SYT14: variants seen among roughly 807,000 people sequenced by gnomAD.
SYT14 encodes the protein synaptotagmin 14, also known as synaptotagmin-14.
SYT14 carries 32 observed loss-of-function variants against 74.2 expected under a neutral mutation model. That is an observed-to-expected ratio of 0.43 (90% CI 0.33 to 0.58). The LOEUF (loss-of-function observed/expected upper bound fraction) is 0.58. Ranked by LOEUF, SYT14 falls within the 20% of genes least tolerant of loss-of-function variation. The probability of loss-of-function intolerance (pLI) is 0.05; values close to 1 mark genes in which losing one functional copy is unlikely to be tolerated. For synonymous variants in SYT14, 298 were observed against 337.7 expected, an observed-to-expected ratio of 0.88 and a Z score of 1.29; for missense variants, 791 against 981.8, an observed-to-expected ratio of 0.81 and a Z score of 2.60.
intron 2 of SYT14, among the ~76,000 whole-genome samples, chr1:209,959,683 T>C (rs188115068): frequency 2.0e-4 from 31 of 152,240 alleles, no homozygotes; most frequent in African/African-American, 5.8e-4. Flanking sequence ...CCACATATCA[T>C]GTATATAGGA....
At chr1:210,055,741 A>C (rs2636373) in intron 5 of SYT14, among the ~76,000 whole-genome samples, 11 of 151,340 alleles carry the variant, frequency 7.3e-5, no homozygotes, top group Non-Finnish European at 5.9e-5. Flanking sequence ...GGAGCTCAAG[A>C]CTACAGTGAG....
chr1:210,048,386 A>G (rs2080925847), intron 5 of SYT14, among the ~76,000 whole-genome samples: 1 of 152,208 alleles, frequency 6.6e-6, no homozygotes, highest in African/African-American at 2.4e-5. Context: ...ACAGTTCCAC[A>G]TCACTGGGGA....
chr1:210,021,064 G>T lies in SYT14; in HGVS notation c.1122G>T (p.Glu374Asp), dbSNP rs781519173. 3.1e-6 allele frequency: 5 copies of T among 1,613,798 alleles called. No homozygotes were observed. In the African/African-American group the frequency reaches 4.0e-5, roughly 13 times the overall value. The change falls in exon 5 of 10, where the codon GAG (glutamate) becomes GAT (aspartate). Residue 374 changes from glutamate to aspartate, a missense_variant. Glu to Asp is a conservative substitution (Grantham distance 45, BLOSUM62 2). Transcript: ENST00000637265. Reference sequence around the variant, plus strand: ...ATAATTCCTACATGGACAAAGATGAGCATGGTTCATCCTCTGAAAGTGAAG... The same window carrying T: ...ATAATTCCTACATGGACAAAGATGATCATGGTTCATCCTCTGAAAGTGAAG...
In SYT14 at chr1:209,941,371, A is replaced by G. The variant is rs2078727386; in HGVS notation, c.-534+3094A>G. 3.3e-5 allele frequency among the ~76,000 whole-genome samples: 5 copies of G among 152,226 alleles called. No homozygotes were observed. The South Asian group carries it at 1.0e-3, about 31-fold the overall frequency. On this transcript the variant is annotated intron_variant, in intron 1 of 9. Coordinates refer to ENST00000637265, the Ensembl canonical transcript of SYT14. ...TGAAAGGCATTTTGAAATATTGACAATAGTTACACATCCTTACTGTTGGCC... is the reference window on the plus strand; with the variant it reads ...TGAAAGGCATTTTGAAATATTGACAGTAGTTACACATCCTTACTGTTGGCC...
intron 2 of SYT14, among the ~76,000 whole-genome samples, chr1:209,995,254 C>T (rs1198435464): frequency 1.3e-5 from 2 of 152,132 alleles, no homozygotes; most frequent in Non-Finnish European, 2.9e-5. Context: ...AACCATCTCA[C>T]CTCTTGTGAC....
At chr1:209,939,159 T>C (rs1348245567) in intron 1 of SYT14, among the ~76,000 whole-genome samples, 1 of 152,230 alleles carries the variant, frequency 6.6e-6, no homozygotes, top group East Asian at 1.9e-4. Context: ...TGAGAATTAA[T>C]TTCACACGTC....
At chr1:210,117,799 A>G (rs1173366113) in intron 7 of SYT14, among the ~76,000 whole-genome samples, 2 of 152,206 alleles carry the variant, frequency 1.3e-5, no homozygotes, top group Admixed American at 6.5e-5. Context: ...TTAAAGGTCA[A>G]GTCTCAAGAA....
At chr1:210,152,793 A>G (rs2083191251) in intron 7 of SYT14, among the ~76,000 whole-genome samples, 1 of 152,118 alleles carries the variant, frequency 6.6e-6, no homozygotes, top group Non-Finnish European at 1.5e-5. Flanking sequence ...TTTCTTTATA[A>G]TGTTACCACC....
At chr1:210,170,070 G>A (rs770862722) in exon 10 of SYT14, 3 of 151,856 alleles carry the variant, frequency 2.0e-5, no homozygotes, top group Non-Finnish European at 4.4e-5. Context: ...ATATAACAGT[G>A]TGATAAAGTT....
At chr1:210,022,394 C>G (rs1488022769) in intron 5 of SYT14, among the ~76,000 whole-genome samples, 1 of 152,138 alleles carries the variant, frequency 6.6e-6, no homozygotes, top group African/African-American at 2.4e-5. Flanking sequence ...AGGTACTCTA[C>G]CCTCAAAAAT....
intron 1 of SYT14, among the ~76,000 whole-genome samples, chr1:209,943,096 C>T (rs1328125721): frequency 6.6e-6 from 1 of 152,108 alleles, no homozygotes; most frequent in Non-Finnish European, 1.5e-5. Context: ...TTGAAATATT[C>T]AGTTAAAAAA....
chr1:209,973,903 C>G (rs1226564867), intron 2 of SYT14, among the ~76,000 whole-genome samples: 1 of 152,132 alleles, frequency 6.6e-6, no homozygotes, highest in Non-Finnish European at 1.5e-5. Context: ...GATCGCCATT[C>G]TAACTGGTGT....
chr1:210,016,460 T>C, exon 4 of SYT14: 3 of 1,232,024 alleles, frequency 2.4e-6, no homozygotes, highest in East Asian at 6.3e-5. Flanking sequence ...TGGTGGGATA[T>C]CAGTTATCAG....
intron 2 of SYT14, among the ~76,000 whole-genome samples, chr1:209,990,547 ATG>A (rs1553262363): frequency 0.01 from 51 of 4,934 alleles, 1 homozygote; most frequent in Admixed American, 0.043. Flanking sequence ...ACGTATATAT[ATG>A]TATATATATA....
intron 7 of SYT14, among the ~76,000 whole-genome samples, chr1:210,152,165 CTA>C (rs924977147): frequency 2.0e-5 from 3 of 152,160 alleles, no homozygotes; most frequent in African/African-American, 4.8e-5. Context: ...ACATACCAAA[CTA>C]TGTGTTTTGT....
chr1:209,953,185 A>G (rs910963809), intron 2 of SYT14: 3 of 1,287,858 alleles, frequency 2.3e-6, no homozygotes, highest in African/African-American at 3.0e-5. Flanking sequence ...ATCCTTTGAC[A>G]CCAACAACTG....
At chr1:210,018,254 C>G (rs551497630) in intron 4 of SYT14, among the ~76,000 whole-genome samples, 1 of 152,298 alleles carries the variant, frequency 6.6e-6, no homozygotes, top group South Asian at 2.1e-4. Context: ...CTGCCTCAGC[C>G]TCCCAGGTAG....
At position 210,160,401 on chromosome 1, in the gene SYT14, C is replaced by T. The variant is rs112118701; in HGVS notation, c.2282-328C>T. ...TAGTGAAGCTAAATGGGAATGGGAA[C>T]GGGCAGGGGAGGGTAGTGGGAGGTC... is the stretch of plus-strand genomic sequence containing the variant. On this transcript the variant is annotated intron_variant, in intron 9 of 9. Transcript: ENST00000637265. Among the ~76,000 whole-genome samples the T allele has an allele frequency of 8.5e-3, 1,075 of 126,432 alleles. 13 individuals are homozygous for T. The highest frequency in any genetic ancestry group is 0.023 in the African/African-American group (897 of 38,822). The allele number at this position is 126,432 out of a possible 152,430, so 82.9% of individuals were successfully genotyped here. A position where few individuals can be genotyped will look rare whatever the true frequency, so the allele number is the denominator to read the frequency against.
intron 7 of SYT14, among the ~76,000 whole-genome samples, chr1:210,101,641 A>G (rs192443402): frequency 9.5e-4 from 145 of 152,124 alleles, no homozygotes; most frequent in African/African-American, 3.3e-3. Context: ...CCTTTTAGAA[A>G]TAATAGCAGC....
Sources: gnomAD v4.1 joint callset for allele counts (sites outside exome capture counted in the v4.1 genomes callset) on GRCh38, gnomAD v4.1.1 for gene constraint, MANE v1.5 for transcripts, NCBI Gene and HGNC (gene_info 2026-07-23, HGNC 2026-07-21) for gene names.